SLCO5A1: variants seen among roughly 807,000 people sequenced by gnomAD.
SLCO5A1 encodes the protein organic anion transporter polypeptide-related protein 4.
SLCO5A1 carries 39 observed loss-of-function variants against 65.1 expected under a neutral mutation model. That is an observed-to-expected ratio of 0.60 (90% CI 0.46 to 0.78). SLCO5A1 has a LOEUF of 0.78. Among genes scored for constraint, SLCO5A1 ranks in the 30% least tolerant of loss-of-function variants. SLCO5A1 has a pLI of 0.00. For missense variants in SLCO5A1, 1,029 were observed against 1,069.4 expected, an observed-to-expected ratio of 0.96 and a Z score of 0.53; for synonymous variants, 438 against 415.7, an observed-to-expected ratio of 1.05 and a Z score of -0.65.
chr8:69,675,529 A>G (rs1813512490), intron 9 of SLCO5A1, among the ~76,000 whole-genome samples: 1 of 152,102 alleles, frequency 6.6e-6, no homozygotes, highest in African/African-American at 2.4e-5. Flanking sequence ...TTTAAACAGC[A>G]TGTTTTTTAA....
intron 4 of SLCO5A1, among the ~76,000 whole-genome samples, chr8:69,748,703 T>C (rs1182478559): frequency 6.6e-6 from 1 of 152,072 alleles, no homozygotes; most frequent in African/African-American, 2.4e-5. Context: ...GAAAACAAAG[T>C]TTTTCCTAAC....
At position 69,679,390 on chromosome 8, in the gene SLCO5A1, A is replaced by G. The variant is rs150413746; in HGVS notation, c.2012T>C (p.Ile671Thr). Reference sequence around the variant, plus strand: ...ATGCTGTTCTCACCTGAGTGTTACTATGATAGCTGATGGTTGGGCACATGC... The same window carrying G: ...ATGCTGTTCTCACCTGAGTGTTACTGTGATAGCTGATGGTTGGGCACATGC... Reference protein sequence around the residue: ...ITACAQPSAIIVTLRSVEDEE... With the variant: ...ITACAQPSAITVTLRSVEDEE... Residue 671 changes from isoleucine (I) to threonine (T), a missense_variant, in exon 8 of 10, where the codon ATA (isoleucine) becomes ACA (threonine). Ile to Thr is a moderately conservative substitution (Grantham distance 89, BLOSUM62 -1). Coordinates refer to ENST00000260126, the MANE Select transcript of SLCO5A1 (RefSeq NM_030958.3). The G allele has an allele frequency of 5.0e-6, 8 of 1,614,100 alleles. No individual in the cohort carries two copies. The highest frequency in any genetic ancestry group is 2.2e-5 in the East Asian group (1 of 44,898).
intron 5 of SLCO5A1, among the ~76,000 whole-genome samples, chr8:69,737,734 G>GA (rs1816618280): frequency 6.6e-6 from 1 of 151,996 alleles, no homozygotes; most frequent in Admixed American, 6.6e-5. Flanking sequence ...CCCATAAAAA[G>GA]ATCTATTTAG....
At chr8:69,820,933 G>A (rs550454708) in intron 2 of SLCO5A1, among the ~76,000 whole-genome samples, 1 of 152,150 alleles carries the variant, frequency 6.6e-6, no homozygotes, top group African/African-American at 2.4e-5. Flanking sequence ...GCTGGGAGAA[G>A]CCAAGGGGTT....
At position 69,832,470 on chromosome 8, in the gene SLCO5A1, GC is replaced by G; in HGVS notation, c.203del (p.Gly68AlafsTer5). On this transcript the variant is annotated frameshift_variant, in exon 2 of 10. Transcript: ENST00000260126. LOFTEE classifies it high-confidence loss of function. The surrounding 1 kb of genome is among the most constrained non-coding windows in gnomAD (Gnocchi z 4.5). ...TCGGGCCTTGCTTCAACTCCTGGTG[GC>G]CCGAAGAATCCACACAGCCAAAGGC... ...NPAFGCVDSS[G>X]HQELKQGPNP... is the part of the protein sequence containing the mutation. 6.2e-7 allele frequency: 1 copy of G among 1,612,932 alleles called. No homozygotes were observed. Among genetic ancestry groups the G allele is most frequent in the East Asian group, 2.2e-5 (1 of 44,864 alleles).
chr8:69,738,943 T>C (rs112696447), intron 4 of SLCO5A1, among the ~76,000 whole-genome samples: 2,449 of 152,292 alleles, frequency 0.016, 76 homozygotes, highest in African/African-American at 0.055. Context: ...AGTATTTTCA[T>C]TGGAGCATAA....
intron 2 of SLCO5A1, among the ~76,000 whole-genome samples, chr8:69,775,820 G>A (rs898191074): frequency 6.6e-6 from 1 of 152,148 alleles, no homozygotes; most frequent in South Asian, 2.1e-4. Context: ...TGGAGACCAA[G>A]CTGGGCGACA....
intron 5 of SLCO5A1, among the ~76,000 whole-genome samples, chr8:69,716,342 G>A (rs890124235): frequency 3.3e-5 from 5 of 152,198 alleles, no homozygotes; most frequent in African/African-American, 1.2e-4. Flanking sequence ...TTGGATACAT[G>A]CCTAGAAATG....
At chr8:69,743,831 A>C (rs1174591210) in intron 4 of SLCO5A1, among the ~76,000 whole-genome samples, 2 of 152,204 alleles carry the variant, frequency 1.3e-5, no homozygotes, top group Non-Finnish European at 2.9e-5. Flanking sequence ...TATGTGAGCA[A>C]AGACTGGCCA....
intron 4 of SLCO5A1, among the ~76,000 whole-genome samples, chr8:69,752,848 TA>T (rs1256754875): frequency 6.6e-6 from 1 of 152,186 alleles, no homozygotes; most frequent in African/African-American, 2.4e-5. Flanking sequence ...AAGGAGACTT[TA>T]TCAAAAATAC....
chr8:69,694,702 G>A (rs1380600884), intron 6 of SLCO5A1, among the ~76,000 whole-genome samples: 4 of 152,200 alleles, frequency 2.6e-5, no homozygotes, highest in African/African-American at 7.2e-5. Flanking sequence ...TTTTCATTAA[G>A]TCATTCTAGA....
chr8:69,756,220 C>G (rs990154118), intron 3 of SLCO5A1, among the ~76,000 whole-genome samples: 7 of 152,136 alleles, frequency 4.6e-5, no homozygotes, highest in Non-Finnish European at 8.8e-5. Flanking sequence ...GCCTGGCCAA[C>G]ATGGTGAAAC....
Position 69,672,488 on chromosome 8 carries a change from G to C in SLCO5A1, c.*381C>G. ...TGTTCATATCTAAAAACTTTGATTT[G>C]GAAATGCCAAGTCCTGGGCAAGCTC... On this transcript the variant is annotated 3_prime_UTR_variant, in exon 10 of 10. Coordinates refer to ENST00000260126, the MANE Select transcript of SLCO5A1 (RefSeq NM_030958.3). 1 of 199,690 alleles carries C rather than the reference G, an allele frequency of 5.0e-6. No individual in the cohort carries two copies. The highest frequency in any genetic ancestry group is 1.0e-5 in the Non-Finnish European group (1 of 96,518). 12.4% of individuals were successfully genotyped at this position (199,690 alleles called of 1,614,324 possible).
Position 69,673,219 on chromosome 8 carries a change from A to C in SLCO5A1, c.2197T>G (p.Ser733Ala). The change falls in exon 10 of 10, where the codon TCG becomes GCG. Residue 733 changes from serine to alanine, a missense_variant. Ser to Ala is a moderately conservative substitution (Grantham distance 99, BLOSUM62 1). Around this residue, in one of 3 missense-constraint regions of SLCO5A1, gnomAD observed 258 missense variants for 237.4 expected, o/e 1.09. Transcript: ENST00000260126. ...QGSCWEYNVT[S>A]FRFVYFGLAA... ...AAACCAAAATACACAAAACGAAACG[A>C]CGTCACGTTGTACTCCCAGCAAGAA... 1 of 1,614,198 alleles carries C rather than the reference A, an allele frequency of 6.2e-7. No individual in the cohort carries two copies.
chr8:69,772,658 A>AAAGGAAAGGAAAGGAAAGGAAAG (rs1183856106), intron 2 of SLCO5A1, among the ~76,000 whole-genome samples: 1 of 111,214 alleles, frequency 9.0e-6, no homozygotes, highest in African/African-American at 3.8e-5. Context: ...GGAAAGGAAA[A>AAAGGAAAGGAAAGGAAAGGAAAG]GAAATGATTC....
At chr8:69,712,430 C>T (rs946943599) in intron 5 of SLCO5A1, among the ~76,000 whole-genome samples, 2 of 152,128 alleles carry the variant, frequency 1.3e-5, no homozygotes, top group African/African-American at 2.4e-5. Context: ...TTTCCTCTTT[C>T]GCTCCAATTT....
At chr8:69,784,356 T>C (rs1818920130) in intron 2 of SLCO5A1, among the ~76,000 whole-genome samples, 1 of 152,154 alleles carries the variant, frequency 6.6e-6, no homozygotes, top group African/African-American at 2.4e-5. Context: ...CCACTATCAC[T>C]AGAATGACTA....
At chr8:69,785,816 C>T (rs12334341) in intron 2 of SLCO5A1, among the ~76,000 whole-genome samples, 2,585 of 152,280 alleles carry the variant, frequency 0.017, 61 homozygotes, top group African/African-American at 0.059. Context: ...ACCATTGCTG[C>T]TCTCCTAGCA....
intron 5 of SLCO5A1, among the ~76,000 whole-genome samples, chr8:69,731,075 A>G (rs1465572980): frequency 6.6e-6 from 1 of 151,560 alleles, no homozygotes; most frequent in Non-Finnish European, 1.5e-5. Context: ...TCGGCTCACT[A>G]CAACCTCTGC....
Sources: gnomAD v4.1 joint callset for allele counts (sites outside exome capture counted in the v4.1 genomes callset) on GRCh38, gnomAD v4.1.1 for gene constraint, gnomAD v4.1.1 regional missense constraint, Gnocchi (gnomAD v3.1) non-coding constraint, MANE v1.5 for transcripts, NCBI Gene and HGNC (gene_info 2026-07-23, HGNC 2026-07-21) for gene names.